Variants in THADA observed in about 807,000 individuals in gnomAD.
THADA encodes THADA armadillo repeat containing.
THADA carries 213 observed loss-of-function variants against 219.8 expected under a neutral mutation model. The observed-to-expected ratio is 0.97, with a 90% CI of 0.87 to 1.09. The LOEUF is 1.09. Ranked by LOEUF, THADA falls within the 50% of genes least tolerant of loss-of-function variation. The pLI, the probability that THADA is intolerant of heterozygous loss-of-function variation, is 0.00. For synonymous variants in THADA, 1,018 were observed against 828.9 expected, an observed-to-expected ratio of 1.23 and a Z score of -3.92; for missense variants, 2,956 against 2,311.3, an observed-to-expected ratio of 1.28 and a Z score of -5.72.
Position 43,252,460 on chromosome 2 carries a change from C to G in THADA, c.5297-19578G>C, listed in dbSNP as rs80211357. ...CCTTTTAAAGTAGGTTTTATGAGCC[C>G]CATTTTATAATGGGGTATAACAGAG... On this transcript the variant is annotated intron_variant, in intron 36 of 37. Transcript: ENST00000405975. Among the ~76,000 whole-genome samples the G allele has an allele frequency of 5.3e-3, 808 of 152,170 alleles. 3 individuals carry two copies. Among genetic ancestry groups the G allele is most frequent in the Middle Eastern group, 0.014 (4 of 294 alleles).
chr2:43,235,751 A>G (rs1284741178), intron 36 of THADA, among the ~76,000 whole-genome samples: 2 of 152,116 alleles, frequency 1.3e-5, no homozygotes, highest in Non-Finnish European at 1.5e-5. Flanking sequence ...GATGCCACCA[A>G]GGAAGGCTAG....
rs375959741 is a variant in THADA, at chr2:43,508,686, C to T, written c.3469G>A (p.Ala1157Thr). The T allele has an allele frequency of 3.3e-5, 54 of 1,613,678 alleles. No homozygotes were observed. The East Asian group carries it at 1.1e-3, about 33-fold the overall frequency. The change falls in exon 23 of 38, where the codon GCT (alanine) becomes ACT (threonine). Residue 1157 changes from alanine (A) to threonine (T), a missense_variant. Coordinates refer to ENST00000405975, the MANE Select transcript of THADA (RefSeq NM_022065.5). ...GGAATTCCAGCACTGCGCCTTGTAG[C>T]ACAGAGTTTAGATGAAGGATCACTG... ...KCSDPSSKLC[A>T]TRRSAGIPFY...
intron 29 of THADA, among the ~76,000 whole-genome samples, chr2:43,353,979 G>A (rs1017901158): frequency 2.0e-5 from 3 of 152,010 alleles, no homozygotes; most frequent in South Asian, 4.2e-4. Flanking sequence ...CACCATGCCC[G>A]GCTAATTTTT....
chr2:43,506,081 T>A (rs1408011740), intron 23 of THADA, among the ~76,000 whole-genome samples: 1 of 152,090 alleles, frequency 6.6e-6, no homozygotes, highest in Non-Finnish European at 1.5e-5. Context: ...AACAAATCAG[T>A]TTCAGTAACA....
chr2:43,269,307 T>C (rs994297908), intron 36 of THADA, among the ~76,000 whole-genome samples: 36 of 152,138 alleles, frequency 2.4e-4, no homozygotes, highest in African/African-American at 8.7e-4. Flanking sequence ...CAGGGCAAAA[T>C]GATGCAAAAA....
intron 30 of THADA, among the ~76,000 whole-genome samples, 169 bp from the exon 31 acceptor site, chr2:43,320,709 T>C (rs981575534): frequency 6.6e-6 from 1 of 152,202 alleles, no homozygotes; most frequent in Non-Finnish European, 1.5e-5. Context: ...AAGCAACTAA[T>C]GTGAGCAAAT....
chr2:43,447,818 C>T (rs1216250635), intron 26 of THADA, among the ~76,000 whole-genome samples: 1 of 152,142 alleles, frequency 6.6e-6, no homozygotes, highest in African/African-American at 2.4e-5. Flanking sequence ...TAATATTTCT[C>T]TTTCCCAGTA....
intron 36 of THADA, among the ~76,000 whole-genome samples, chr2:43,240,833 A>T (rs1668543926): frequency 6.6e-6 from 1 of 152,190 alleles, no homozygotes; most frequent in Non-Finnish European, 1.5e-5. Flanking sequence ...CCTTTATCTG[A>T]AAATTTAAAA....
chr2:43,453,308 C>T (rs1246532009), intron 26 of THADA, among the ~76,000 whole-genome samples: 2 of 152,210 alleles, frequency 1.3e-5, no homozygotes, highest in Admixed American at 1.3e-4. Flanking sequence ...AGGAATTAGT[C>T]TTCCTTCTGA....
intron 26 of THADA, among the ~76,000 whole-genome samples, chr2:43,478,723 C>G (rs7609003): frequency 0.4 from 60,272 of 152,140 alleles, 12,986 homozygotes; most frequent in African/African-American, 0.55. Flanking sequence ...AAGATTACTT[C>G]GTCCACGTAA....
intron 29 of THADA, among the ~76,000 whole-genome samples, chr2:43,375,864 C>T (rs1558659901): frequency 1.3e-5 from 2 of 152,138 alleles, no homozygotes; most frequent in East Asian, 3.8e-4. Context: ...CTATGAAGGT[C>T]TCCAAGAAAA....
chr2:43,505,720 C>G lies in THADA; in HGVS notation c.3523G>C (p.Glu1175Gln). The G allele has an allele frequency of 6.3e-7, 1 of 1,581,894 alleles. No homozygotes were observed. Among genetic ancestry groups the G allele is most frequent in the Non-Finnish European group, 8.6e-7 (1 of 1,161,674 alleles). The change falls in exon 24 of 38, where the codon GAA becomes CAA. Residue 1175 changes from glutamate to glutamine, a missense_variant. Coordinates refer to ENST00000405975, the MANE Select transcript of THADA (RefSeq NM_022065.5). ...AAATCCATTCTGCCTTTCTTTGGTT[C>G]AGATGCCAACAGTGCCTATGGAAAA... ...PFYIQALLASEPKKGRMDLLK... is the reference protein window; with the variant it reads ...PFYIQALLASQPKKGRMDLLK...
At chr2:43,314,366 T>A (rs1172177405) in intron 31 of THADA, among the ~76,000 whole-genome samples, 1 of 151,190 alleles carries the variant, frequency 6.6e-6, no homozygotes, top group African/African-American at 2.4e-5. Context: ...AACCCGCTCA[T>A]AAAACCCAAC....
At chr2:43,329,461 C>T (rs1421077931) in intron 30 of THADA, among the ~76,000 whole-genome samples, 5 of 152,162 alleles carry the variant, frequency 3.3e-5, no homozygotes, top group Non-Finnish European at 5.9e-5. Flanking sequence ...TTTGGCAAGG[C>T]ACACACTTGG....
At chr2:43,423,698 G>C (rs1159419419) in intron 28 of THADA, among the ~76,000 whole-genome samples, 2 of 152,080 alleles carry the variant, frequency 1.3e-5, no homozygotes, top group Non-Finnish European at 2.9e-5. Flanking sequence ...TCTGAGACCT[G>C]ATTCGTCTAA....
At chr2:43,297,966 C>G (rs111597870) in intron 31 of THADA, among the ~76,000 whole-genome samples, 2 of 75,460 alleles carry the variant, frequency 2.7e-5, no homozygotes, top group African/African-American at 1.9e-4. Flanking sequence ...GTCAGCCCCC[C>G]GCCCGGCCAG....
chr2:43,590,197 T>C (rs1314380237), intron 4 of THADA, among the ~76,000 whole-genome samples: 2 of 152,176 alleles, frequency 1.3e-5, no homozygotes, highest in African/African-American at 4.8e-5. Flanking sequence ...CAAGCCTATA[T>C]TCCTGTGTTA....
chr2:43,232,092 A>G (rs1667493815), intron 37 of THADA, among the ~76,000 whole-genome samples: 1 of 152,196 alleles, frequency 6.6e-6, no homozygotes, highest in South Asian at 2.1e-4. Context: ...TAACTTTGGG[A>G]AGCCCCAGGC....
chr2:43,285,029 C>T (rs2104335208), intron 35 of THADA, among the ~76,000 whole-genome samples: 1 of 152,372 alleles, frequency 6.6e-6, no homozygotes, highest in South Asian at 2.1e-4. Context: ...CCTGTACCCC[C>T]ATTGTATCTT....
Sources: allele counts gnomAD v4.1 joint callset (sites outside exome capture counted in the v4.1 genomes callset), GRCh38; gene constraint gnomAD v4.1.1; transcripts MANE v1.5; gene names NCBI Gene and HGNC (gene_info 2026-07-23, HGNC 2026-07-21).